RTKN2: variants seen among roughly 807,000 people sequenced by gnomAD.
RTKN2 encodes the protein rhotekin-2.
In RTKN2, 69 loss-of-function variants were observed where a neutral mutation model predicts 71.5. The observed-to-expected ratio is 0.96, with a 90% CI of 0.79 to 1.18. RTKN2 has a LOEUF of 1.18. Ranked by LOEUF, RTKN2 falls within the 50% of genes most tolerant of loss-of-function variation. RTKN2 has a pLI of 0.00. For synonymous variants in RTKN2, 236 were observed against 236.5 expected (o/e 1.00, Z 0.02); for missense variants, 724 against 719.7 (o/e 1.01, Z -0.07).
chr10:62,239,718 C>A lies in RTKN2; in HGVS notation c.418G>T (p.Val140Leu), dbSNP rs775668809. Residue 140 changes from valine (V) to leucine (L), a missense_variant, in exon 5 of 12, where the codon GTG (valine) becomes TTG (leucine). Val to Leu is a conservative substitution (Grantham distance 32, BLOSUM62 1). Coordinates refer to ENST00000373789, the MANE Select transcript of RTKN2 (RefSeq NM_145307.4). ...IFCLFKMGAN[V>L]FDTDVVNVDK... ...ACATTCACCACATCAGTATCAAACACATTAGCTCCCATTTTGAATAAACAA... is the reference window on the plus strand; with the variant it reads ...ACATTCACCACATCAGTATCAAACAAATTAGCTCCCATTTTGAATAAACAA... 1.1e-5 allele frequency: 17 copies of A among 1,593,602 alleles called. No individual in the cohort carries two copies. The South Asian group carries it at 1.9e-4, about 18-fold the overall frequency.
intron 3 of RTKN2, among the ~76,000 whole-genome samples, chr10:62,243,293 A>C (rs1842417219): frequency 6.6e-6 from 1 of 152,012 alleles, no homozygotes. Flanking sequence ...TTATATTGGC[A>C]TAACAGACAT....
intron 1 of RTKN2, among the ~76,000 whole-genome samples, chr10:62,266,786 A>G (rs1322437031): frequency 2.0e-5 from 3 of 152,216 alleles, no homozygotes; most frequent in African/African-American, 4.8e-5. Flanking sequence ...AGGTTCTCCA[A>G]TTCCAACAGC....
In RTKN2 at chr10:62,195,885, T is replaced by C; in HGVS notation, c.*2023A>G. On this transcript the variant is annotated 3_prime_UTR_variant, in exon 12 of 12. Transcript: ENST00000373789. ...AAAGGGCTTCAGTCCTGTTTCAAAG[T>C]TCTACTCTGAGGGCACAACTGCTAG... 1 of 985,360 alleles carries C rather than the reference T, an allele frequency of 1.0e-6. No individual in the cohort carries two copies. The highest frequency in any genetic ancestry group is 1.2e-6 in the Non-Finnish European group (1 of 829,908). The allele number at this position is 985,360 out of a possible 1,614,324, so 61.0% of individuals were successfully genotyped here.
At chr10:62,265,348 G>C (rs1305815757) in intron 1 of RTKN2, among the ~76,000 whole-genome samples, 3 of 152,176 alleles carry the variant, frequency 2.0e-5, no homozygotes, top group Admixed American at 1.3e-4. Context: ...AACTTCAACA[G>C]AGACTGAGTG....
At position 62,256,246 on chromosome 10, in the gene RTKN2, C is replaced by G. The variant is rs1842673055; in HGVS notation, c.257+6379G>C. On this transcript the variant is annotated intron_variant, in intron 2 of 11. Transcript: ENST00000373789. ...TTATGTTGCCCAGGCTGGTCTTGAA[C>G]TCCTGGGCTACAGCCATCCTCCCAC... is the stretch of plus-strand genomic sequence containing the variant. Among the ~76,000 whole-genome samples, 4 of 152,204 alleles carry G rather than the reference C, an allele frequency of 2.6e-5. No individual in the cohort carries two copies. In the South Asian group the frequency reaches 8.3e-4, roughly 32 times the overall value.
chr10:62,205,827 G>C (rs1190600973), intron 9 of RTKN2, among the ~76,000 whole-genome samples: 1 of 152,066 alleles, frequency 6.6e-6, no homozygotes, highest in Non-Finnish European at 1.5e-5. Flanking sequence ...TGGTAAGCTG[G>C]CAACTACATG....
chr10:62,186,287 A>G (rs148106799), intron 8 of RTKN2, among the ~76,000 whole-genome samples: 1 of 152,330 alleles, frequency 6.6e-6, no homozygotes, highest in African/African-American at 2.4e-5. Flanking sequence ...ATGCATTCAG[A>G]GAGTGAGAAG....
At position 62,194,158 on chromosome 10, in the gene RTKN2, C is replaced by T; in HGVS notation, c.*3750G>A. The T allele has an allele frequency of 1.0e-6, 1 of 976,940 alleles. No individual in the cohort carries two copies. Among genetic ancestry groups the T allele is most frequent in the Non-Finnish European group, 1.2e-6 (1 of 822,366 alleles). 60.5% of individuals were successfully genotyped at this position (976,940 alleles called of 1,614,324 possible). ...AAAAAATAAAAATTATAAACAAAGC[C>T]AATTACACAAGCATGTCAGAAAATC... On this transcript the variant is annotated 3_prime_UTR_variant, in exon 12 of 12. Transcript: ENST00000373789.
At chr10:62,215,164 A>G (rs1167959966) in intron 9 of RTKN2, 2 of 903,256 alleles carry the variant, frequency 2.2e-6, no homozygotes. Flanking sequence ...AATATAAGAA[A>G]AAAATTAGTA....
intron 2 of RTKN2, among the ~76,000 whole-genome samples, chr10:62,261,786 T>C (rs1416891353): frequency 6.6e-6 from 1 of 152,206 alleles, no homozygotes; most frequent in Non-Finnish European, 1.5e-5. Flanking sequence ...CTCTGACTGG[T>C]GTTTTTAACT....
rs991978834 is a variant in RTKN2, at chr10:62,196,807, T to TA, written c.*1100dup. 4.1e-6 allele frequency: 4 copies of TA among 975,274 alleles called. No individual in the cohort carries two copies. The highest frequency in any genetic ancestry group is 2.4e-6 in the Non-Finnish European group (2 of 820,684). The allele number at this position is 975,274 out of a possible 1,614,324, so 60.4% of individuals were successfully genotyped here. A position where few individuals can be genotyped will look rare whatever the true frequency, so the allele number is the denominator to read the frequency against. On this transcript the variant is annotated 3_prime_UTR_variant, in exon 12 of 12. Coordinates refer to ENST00000373789, the MANE Select transcript of RTKN2 (RefSeq NM_145307.4). Reference sequence around the variant, plus strand: ...CTCTTGTTTACAAAAAGCATTATTATAAAAAATGGATTTTTTGTTCCTTTA... The same window carrying TA: ...CTCTTGTTTACAAAAAGCATTATTATAAAAAAATGGATTTTTTGTTCCTTTA...
At chr10:62,201,684 T>C (rs1841445813) in intron 10 of RTKN2, among the ~76,000 whole-genome samples, 1 of 152,220 alleles carries the variant, frequency 6.6e-6, no homozygotes, top group Non-Finnish European at 1.5e-5. Flanking sequence ...TCTATATCGA[T>C]AAATGAAAGC....
In RTKN2 at chr10:62,246,071, A is replaced by G; in HGVS notation, c.258-14T>C. On this transcript the variant is annotated splice_polypyrimidine_tract_variant and intron_variant, in intron 2 of 11. Transcript: ENST00000373789. ...AATTTCACATCACTGTCAAAACAAA[A>G]AAACTTATGGAAAAAAGATCTTTTC... The G allele has an allele frequency of 1.3e-6, 2 of 1,546,956 alleles. No homozygotes were observed. Among genetic ancestry groups the G allele is most frequent in the Non-Finnish European group, 1.8e-6 (2 of 1,136,344 alleles).
Position 62,204,979 on chromosome 10 carries a change from A to T in RTKN2, c.1064T>A (p.Ile355Asn). Reference sequence around the variant, plus strand: ...AGGATTGATGACAGAGAAATTATGGATTCTTTTCTTGGCATCCTTATCCAT... The same window carrying T: ...AGGATTGATGACAGAGAAATTATGGTTTCTTTTCTTGGCATCCTTATCCAT... Reference protein sequence around the residue: ...RAMDKDAKKRIHNFSVINPVP... With the variant: ...RAMDKDAKKRNHNFSVINPVP... Residue 355 changes from isoleucine to asparagine, a missense_variant, in exon 10 of 12, where the codon ATC becomes AAC. Coordinates refer to ENST00000373789, the MANE Select transcript of RTKN2 (RefSeq NM_145307.4). The T allele has an allele frequency of 1.3e-6, 2 of 1,598,526 alleles. No individual in the cohort carries two copies. The highest frequency in any genetic ancestry group is 1.7e-6 in the Non-Finnish European group (2 of 1,175,408).
intron 6 of RTKN2, among the ~76,000 whole-genome samples, chr10:62,231,358 CAAT>C (rs1308556016): frequency 1.3e-5 from 2 of 152,032 alleles, no homozygotes; most frequent in Non-Finnish European, 2.9e-5. Context: ...CTAAATTCCA[CAAT>C]AAAATGAATA....
intron 2 of RTKN2, among the ~76,000 whole-genome samples, chr10:62,251,003 G>A (rs10995094): frequency 8.7e-4 from 132 of 152,264 alleles, no homozygotes; most frequent in African/African-American, 3.1e-3. Flanking sequence ...CCTGTGGGAT[G>A]TGAATCATCC....
At chr10:62,203,596 C>T (rs545339542) in intron 10 of RTKN2, among the ~76,000 whole-genome samples, 3 of 152,320 alleles carry the variant, frequency 2.0e-5, no homozygotes, top group Non-Finnish European at 2.9e-5. Context: ...CCGCCTGCCT[C>T]GGCCTCCCAG....
chr10:62,227,162 G>A (rs750891906), intron 6 of RTKN2, among the ~76,000 whole-genome samples: 5 of 152,064 alleles, frequency 3.3e-5, no homozygotes, highest in Admixed American at 6.6e-5. Context: ...AAATAGGGGA[G>A]GAGAATGTAT....
chr10:62,214,175 T>C (rs1418722681), intron 9 of RTKN2, among the ~76,000 whole-genome samples: 1 of 151,680 alleles, frequency 6.6e-6, no homozygotes, highest in East Asian at 1.9e-4. Flanking sequence ...AATTAAATTA[T>C]ATTTATTTAT....
Sources: gnomAD v4.1 joint callset for allele counts (sites outside exome capture counted in the v4.1 genomes callset) on GRCh38, gnomAD v4.1.1 for gene constraint, MANE v1.5 for transcripts, NCBI Gene and HGNC (gene_info 2026-07-23, HGNC 2026-07-21) for gene names.